The following SOX13 variants were observed in gnomAD, a reference collection of about 807,000 sequenced individuals.
SOX13 encodes SRY-box transcription factor 13.
SOX13 carries 28 observed loss-of-function variants against 71.8 expected under a neutral mutation model. The ratio of observed to expected loss-of-function variants is 0.39; its 90% CI spans 0.29 to 0.53. The LOEUF (loss-of-function observed/expected upper bound fraction) is 0.53. SOX13 is among the 20% of genes least tolerant of loss of function. The pLI is 0.70. For synonymous variants in SOX13, 309 were observed against 317.8 expected (o/e 0.97, Z 0.29); for missense variants, 627 against 810.3 (o/e 0.77, Z 2.75).
chr1:204,090,441 C>T (rs1295159553), intron 1 of SOX13, among the ~76,000 whole-genome samples: 1 of 143,082 alleles, frequency 7.0e-6, no homozygotes, highest in African/African-American at 2.6e-5. Flanking sequence ...TGTAGTCTCA[C>T]TCTGTCACCC....
At chr1:204,089,797 C>T (rs533714080) in intron 1 of SOX13, among the ~76,000 whole-genome samples, 2 of 152,326 alleles carry the variant, frequency 1.3e-5, no homozygotes, top group Admixed American at 6.5e-5. Context: ...ATCACTGGTC[C>T]CCATTCCTGG....
chr1:204,113,423 G>A (rs571790909), intron 2 of SOX13, among the ~76,000 whole-genome samples: 1 of 152,326 alleles, frequency 6.6e-6, no homozygotes, highest in South Asian at 2.1e-4. Context: ...ACTAGATGGG[G>A]AGATGGGACA....
At chr1:204,102,699 G>T (rs186357079) in intron 1 of SOX13, among the ~76,000 whole-genome samples, 1 of 151,384 alleles carries the variant, frequency 6.6e-6, no homozygotes, top group East Asian at 2.0e-4. Context: ...GTGGGGGAAG[G>T]GGGTGGCGGT....
chr1:204,117,819 C>A, intron 7 of SOX13, 112 bp downstream of exon 7: 1 of 689,582 alleles, frequency 1.5e-6, no homozygotes, highest in South Asian at 1.7e-5. Flanking sequence ...TTCTGGGCCT[C>A]AGTTTTGGAT....
At chr1:204,122,043 C>T in intron 8 of SOX13, 58 bp downstream of exon 8, 1 of 1,307,028 alleles carries the variant, frequency 7.7e-7, no homozygotes, top group Non-Finnish European at 1.1e-6. Flanking sequence ...CGGCCGGCTG[C>T]CGTGTTAGGG....
intron 1 of SOX13, among the ~76,000 whole-genome samples, chr1:204,083,059 T>C (rs569392867): frequency 6.6e-6 from 1 of 152,326 alleles, no homozygotes; most frequent in East Asian, 1.9e-4. Context: ...CTTCTCACCA[T>C]GGTGGCACCC....
At chr1:204,092,865 C>T (rs187839902) in intron 1 of SOX13, among the ~76,000 whole-genome samples, 2 of 151,978 alleles carry the variant, frequency 1.3e-5, no homozygotes, top group East Asian at 3.9e-4. Flanking sequence ...ATTTGCTGTG[C>T]AGCACGGGTC....
At position 204,080,208 on chromosome 1, in the gene SOX13, C is replaced by T. The variant is rs139348605; in HGVS notation, c.-2+6497C>T. On this transcript the variant is annotated intron_variant, in intron 1 of 13. Transcript: ENST00000367204. ...GTCATCAAATTTGGAATTCAGTTCC[C>T]TCCACTCTCCCCCCAGCGGTGGCCT... Among the ~76,000 whole-genome samples, 494 of 152,326 alleles carry T rather than the reference C, an allele frequency of 3.2e-3. 1 individual carries two copies. The highest frequency in any genetic ancestry group is 0.01 in the Middle Eastern group (3 of 294).
chr1:204,104,944 A>T (rs1269791790), intron 1 of SOX13, among the ~76,000 whole-genome samples: 1 of 152,048 alleles, frequency 6.6e-6, no homozygotes, highest in African/African-American at 2.4e-5. Flanking sequence ...TGGTTAGAAG[A>T]GGAAGTGGCT....
chr1:204,085,757 G>T (rs866211272), intron 1 of SOX13, among the ~76,000 whole-genome samples: 3 of 151,692 alleles, frequency 2.0e-5, no homozygotes, highest in Non-Finnish European at 4.4e-5. Context: ...GGTGGGTCAC[G>T]AGGTCAGGAG....
intron 1 of SOX13, among the ~76,000 whole-genome samples, chr1:204,091,708 T>A (rs948777742): frequency 1.3e-5 from 2 of 149,736 alleles, no homozygotes; most frequent in African/African-American, 2.5e-5. Flanking sequence ...AACAGAACTT[T>A]TTTCGTTTTC....
intron 1 of SOX13, among the ~76,000 whole-genome samples, chr1:204,078,615 G>C (rs1190757002): frequency 6.6e-6 from 1 of 152,202 alleles, no homozygotes; most frequent in Non-Finnish European, 1.5e-5. Flanking sequence ...CTGGAACCCG[G>C]ATGTGTCAGC....
At chr1:204,101,711 T>C (rs894247598) in intron 1 of SOX13, among the ~76,000 whole-genome samples, 9 of 152,090 alleles carry the variant, frequency 5.9e-5, no homozygotes, top group Admixed American at 2.6e-4. Context: ...TAGGTATTGT[T>C]AGCCCCCATT....
At chr1:204,074,359 T>C (rs1655740540) in intron 1 of SOX13, 1 of 133,796 alleles carries the variant, frequency 7.5e-6, no homozygotes, top group Non-Finnish European at 1.6e-5. Context: ...TGCTTCTTGC[T>C]ACCCCCACCT....
At chr1:204,083,695 G>A (rs1213673601) in intron 1 of SOX13, among the ~76,000 whole-genome samples, 4 of 152,180 alleles carry the variant, frequency 2.6e-5, no homozygotes, top group Non-Finnish European at 5.9e-5. Context: ...TGGGGACTGC[G>A]GGGGCCTTCT....
intron 1 of SOX13, among the ~76,000 whole-genome samples, chr1:204,103,650 C>G (rs1656402805): frequency 6.6e-6 from 1 of 152,246 alleles, no homozygotes; most frequent in Non-Finnish European, 1.5e-5. Context: ...CTCAGCTGCA[C>G]AATTTCTGCA....
chr1:204,086,392 C>T (rs1280914289), intron 1 of SOX13, among the ~76,000 whole-genome samples: 1 of 152,158 alleles, frequency 6.6e-6, no homozygotes, highest in African/African-American at 2.4e-5. Context: ...CAACCTCCGC[C>T]TCCCAGGTTC....
intron 1 of SOX13, among the ~76,000 whole-genome samples, chr1:204,102,461 C>T (rs1317122931): frequency 4.6e-5 from 7 of 152,162 alleles, no homozygotes; most frequent in Admixed American, 3.9e-4. Context: ...GCCAGATAAG[C>T]GGTGGCGCTG....
chr1:204,115,474 T>TG (rs1349684441), intron 4 of SOX13, among the ~76,000 whole-genome samples: 9 of 111,778 alleles, frequency 8.1e-5, no homozygotes, highest in Middle Eastern at 4.3e-3. Context: ...ATTCCGATGT[T>TG]GTTTTTTTTT....
Sources: gnomAD v4.1 joint callset for allele counts (sites outside exome capture counted in the v4.1 genomes callset) on GRCh38, gnomAD v4.1.1 for gene constraint, MANE v1.5 for transcripts, NCBI Gene and HGNC (gene_info 2026-07-23, HGNC 2026-07-21) for gene names.